Variants in WNT3A observed in about 807,000 individuals in gnomAD.
The protein encoded by WNT3A is Wnt family member 3A.
In WNT3A, 17 loss-of-function variants were observed where a neutral mutation model predicts 37.0. The observed-to-expected ratio is 0.46, with a 90% CI of 0.31 to 0.69. The LOEUF is 0.69. WNT3A is among the 30% of genes least tolerant of loss of function. The pLI, the probability that WNT3A is intolerant of heterozygous loss-of-function variation, is 0.05. For synonymous variants in WNT3A, 187 were observed against 211.0 expected (o/e 0.89, Z 0.99); for missense variants, 411 against 510.2 (o/e 0.81, Z 1.87).
intron 2 of WNT3A, among the ~76,000 whole-genome samples, chr1:228,049,976 G>T (rs1289686022): frequency 6.6e-6 from 1 of 151,718 alleles, no homozygotes; most frequent in Non-Finnish European, 1.5e-5. Context: ...ATGGGGTCTT[G>T]CTACATTGCC....
rs149439975 is a variant in WNT3A, at chr1:228,054,489, G to A, written c.579+3568G>A. 5.7e-3 allele frequency among the ~76,000 whole-genome samples: 871 copies of A among 151,864 alleles called. 2 individuals carry two copies. Among genetic ancestry groups the A allele is most frequent in the African/African-American group, 0.02 (824 of 41,408 alleles). Reference sequence around the variant, plus strand: ...AAATAACAAAAAAAATTAGCCAGGCGTGGTGGCAGGTGCCTGTAGTCCCAG... The same window carrying A: ...AAATAACAAAAAAAATTAGCCAGGCATGGTGGCAGGTGCCTGTAGTCCCAG... On this transcript the variant is annotated intron_variant, in intron 3 of 3. Transcript: ENST00000284523.
At chr1:228,015,713 C>T (rs574347389) in intron 1 of WNT3A, among the ~76,000 whole-genome samples, 31 of 151,058 alleles carry the variant, frequency 2.1e-4, no homozygotes, top group African/African-American at 7.3e-4. Flanking sequence ...GCCTCCCCCC[C>T]ACCCCCGCCG....
At chr1:228,028,468 A>G (rs186139028) in intron 2 of WNT3A, among the ~76,000 whole-genome samples, 140 of 151,256 alleles carry the variant, frequency 9.3e-4, no homozygotes, top group Admixed American at 7.0e-3. Context: ...TACCTGGCTA[A>G]TTTTTTTTGT....
At chr1:228,055,795 C>G (rs576299094) in intron 3 of WNT3A, among the ~76,000 whole-genome samples, 3 of 152,286 alleles carry the variant, frequency 2.0e-5, no homozygotes, top group African/African-American at 7.2e-5. Flanking sequence ...TACTTTATAG[C>G]CCACTCACTC....
At position 228,059,943 on chromosome 1, in the gene WNT3A, G is replaced by A; in HGVS notation, c.*478G>A. ...ATGGGGCACGGCTCTGGGGTAGGCT[G>A]CTCCCTGAGGGCGGAGCGCCTCCTT... On this transcript the variant is annotated 3_prime_UTR_variant, in exon 4 of 4. Coordinates refer to ENST00000284523, the MANE Select transcript of WNT3A (RefSeq NM_033131.4). The A allele has an allele frequency of 1.8e-6, 2 of 1,099,250 alleles. No homozygotes were observed. Among genetic ancestry groups the A allele is most frequent in the South Asian group, 2.3e-5 (1 of 43,974 alleles). 68.1% of individuals were successfully genotyped at this position (1,099,250 alleles called of 1,614,324 possible).
chr1:228,058,705 T>C (rs2031729851), intron 3 of WNT3A, among the ~76,000 whole-genome samples: 1 of 152,208 alleles, frequency 6.6e-6, no homozygotes, highest in African/African-American at 2.4e-5. Flanking sequence ...GCTCTGTCCT[T>C]CATTCGCTCC....
chr1:228,060,283 T>G lies in WNT3A; in HGVS notation c.*818T>G, dbSNP rs760817340. ...CTGTAAGGTTCCATCCACCCCTGCG[T>G]CGAGCTGGGAAGGTTCCATGAAGCG... On this transcript the variant is annotated 3_prime_UTR_variant, in exon 4 of 4. Coordinates refer to ENST00000284523, the MANE Select transcript of WNT3A (RefSeq NM_033131.4). 10 of 1,351,456 alleles carry G rather than the reference T, an allele frequency of 7.4e-6. No individual in the cohort carries two copies. Among genetic ancestry groups the G allele is most frequent in the Middle Eastern group, 2.1e-4 (1 of 4,782 alleles). The allele number at this position is 1,351,456 out of a possible 1,614,324, so 83.7% of individuals were successfully genotyped here. A position where few individuals can be genotyped will look rare whatever the true frequency, so the allele number is the denominator to read the frequency against.
intron 3 of WNT3A, among the ~76,000 whole-genome samples, chr1:228,057,901 C>A (rs913858889): frequency 6.6e-6 from 1 of 152,172 alleles, no homozygotes; most frequent in African/African-American, 2.4e-5. Context: ...AGTGCAGTGG[C>A]GCAATCTCCG....
rs763607191 is a variant in WNT3A at position 228,059,179 on chromosome 1, C to T, written c.773C>T (p.Pro258Leu). The change falls in exon 4 of 4, where the codon CCG (proline) becomes CTG (leucine). Residue 258 changes from proline to leucine, a missense_variant. Physicochemically the swap from Pro to Leu is moderately conservative, Grantham distance 98. Transcript: ENST00000284523. The stretch of plus-strand genomic sequence containing the variant: ...CGCGGCTGGGTGGAGACCCTGCGGC[C>T]GCGCTACACCTACTTCAAGGTGCCC... ...ESRGWVETLR[P>L]RYTYFKVPTE... 4 of 1,612,928 alleles carry T rather than the reference C, an allele frequency of 2.5e-6. No homozygotes were observed. The highest frequency in any genetic ancestry group is 1.3e-5 in the African/African-American group (1 of 74,928).
At position 228,007,237 on chromosome 1, in the gene WNT3A, C is replaced by A; in HGVS notation, c.71+38C>A. The A allele has an allele frequency of 6.4e-7, 1 of 1,573,424 alleles. No individual in the cohort carries two copies. Among genetic ancestry groups the A allele is most frequent in the Non-Finnish European group, 8.6e-7 (1 of 1,158,884 alleles). Reference sequence around the variant, plus strand: ...CCTCGCGTTCGCCCCTGCCCCTGTGCGCCGCGCCCGCAGCAGACGGTCCCC... The same window carrying A: ...CCTCGCGTTCGCCCCTGCCCCTGTGAGCCGCGCCCGCAGCAGACGGTCCCC... On this transcript the variant is annotated intron_variant, in intron 1 of 3. Coordinates refer to ENST00000284523, the MANE Select transcript of WNT3A (RefSeq NM_033131.4). This position sits in a 1 kb window ranked among gnomAD's most constrained non-coding sequence, Gnocchi z 6.0.
chr1:228,025,376 TC>T (rs2030827172), intron 2 of WNT3A, among the ~76,000 whole-genome samples: 1 of 152,108 alleles, frequency 6.6e-6, no homozygotes, highest in South Asian at 2.1e-4. Context: ...TGAGACAGGG[TC>T]TCACTCTGTT....
chr1:228,014,996 A>C (rs2030484295), intron 1 of WNT3A, among the ~76,000 whole-genome samples: 1 of 152,242 alleles, frequency 6.6e-6, no homozygotes, highest in South Asian at 2.1e-4. Flanking sequence ...CCTTCAAAAC[A>C]AACGATTGTT....
At position 228,054,991 on chromosome 1, in the gene WNT3A, G is replaced by A. The variant is rs12725381; in HGVS notation, c.580-3995G>A. 2.0e-3 allele frequency among the ~76,000 whole-genome samples: 304 copies of A among 149,786 alleles called. 2 individuals are homozygous for A. The highest frequency in any genetic ancestry group is 3.6e-3 in the Non-Finnish European group (242 of 67,450). On this transcript the variant is annotated intron_variant, in intron 3 of 3. Transcript: ENST00000284523. The stretch of plus-strand genomic sequence containing the variant: ...CTCTACTAAAAATACAAAATTAGCC[G>A]GGCGTGGTAGTGCACGCCTGTAATC...
intron 2 of WNT3A, among the ~76,000 whole-genome samples, chr1:228,049,564 C>T (rs2031497277): frequency 6.6e-6 from 1 of 152,178 alleles, no homozygotes; most frequent in Admixed American, 6.5e-5. Flanking sequence ...CTTGAAGACA[C>T]TGCCAAAGTG....
intron 3 of WNT3A, among the ~76,000 whole-genome samples, chr1:228,055,378 T>A (rs965364837): frequency 3.3e-5 from 5 of 149,352 alleles, no homozygotes; most frequent in African/African-American, 1.2e-4. Context: ...TAAATAGATA[T>A]GTAGAGATAA....
rs2030990555 is a variant in WNT3A, at chr1:228,031,082, G to A, written c.313+8174G>A. ...GAGCCCTCCAGCATCCAGTGGCCAT[G>A]GCCACGCCCCAGCCCTCATCACGGG... On this transcript the variant is annotated intron_variant, in intron 2 of 3. Coordinates refer to ENST00000284523, the MANE Select transcript of WNT3A (RefSeq NM_033131.4). This position sits in a 1 kb window ranked among gnomAD's most constrained non-coding sequence, Gnocchi z 4.8. Among the ~76,000 whole-genome samples the A allele has an allele frequency of 6.6e-6, 1 of 152,228 alleles. No individual in the cohort carries two copies. Among genetic ancestry groups the A allele is most frequent in the Non-Finnish European group, 1.5e-5 (1 of 68,038 alleles).
At chr1:228,030,046 C>T (rs2030960499) in intron 2 of WNT3A, among the ~76,000 whole-genome samples, 1 of 152,156 alleles carries the variant, frequency 6.6e-6, no homozygotes, top group Admixed American at 6.5e-5. Context: ...GATGGCACCA[C>T]TGAGCTCCAG....
At chr1:228,024,324 C>T (rs925942545) in intron 2 of WNT3A, among the ~76,000 whole-genome samples, 4 of 152,206 alleles carry the variant, frequency 2.6e-5, no homozygotes, top group African/African-American at 9.6e-5. Flanking sequence ...CACTGATACA[C>T]TGTTTTCTGG....
In WNT3A at chr1:228,059,674, G is replaced by A; in HGVS notation, c.*209G>A. ...CTAGTGTCTCCTCTCTGGTGGCTGG[G>A]CTGCTCCTGAATGAGGCGGAGCTCC... On this transcript the variant is annotated 3_prime_UTR_variant, in exon 4 of 4. Transcript: ENST00000284523. 4.4e-6 allele frequency: 6 copies of A among 1,359,370 alleles called. No individual in the cohort carries two copies. The highest frequency in any genetic ancestry group is 5.6e-6 in the Non-Finnish European group (6 of 1,063,942). The allele number at this position is 1,359,370 out of a possible 1,614,324, so 84.2% of individuals were successfully genotyped here.
Sources: gnomAD v4.1 joint callset for allele counts (sites outside exome capture counted in the v4.1 genomes callset) on GRCh38, gnomAD v4.1.1 for gene constraint, Gnocchi (gnomAD v3.1) non-coding constraint, MANE v1.5 for transcripts, NCBI Gene and HGNC (gene_info 2026-07-23, HGNC 2026-07-21) for gene names.